REDIC1: variants seen among roughly 807,000 people sequenced by gnomAD.
REDIC1 encodes the protein HEI10 Interacting Protein 1.
chr12:39,754,998 A>AAAAT, the REDIC1 span: 11 of 152,174 alleles, frequency 7.2e-5, no homozygotes, highest in African/African-American at 2.7e-4. Context: ...ATAACTAGAA[A>AAAAT]AAATAAATAA....
the REDIC1 span, chr12:39,764,428 A>G: frequency 6.6e-7 from 1 of 1,511,196 alleles, no homozygotes. Context: ...AAAAATAAAA[A>G]CAAAACTATG....
chr12:39,882,718 A>G, the REDIC1 span, among the ~76,000 whole-genome samples: 1 of 152,134 alleles, frequency 6.6e-6, no homozygotes, highest in East Asian at 1.9e-4. Context: ...ACCAGTCTAC[A>G]TTGATTCACA....
chr12:39,671,784 A>G, the REDIC1 span, among the ~76,000 whole-genome samples: 82 of 152,134 alleles, frequency 5.4e-4, no homozygotes, highest in Admixed American at 1.3e-3. Flanking sequence ...CTGGGAAGGA[A>G]TGTGCAGATG....
chr12:39,716,829 T>C, the REDIC1 span: 1 of 1,593,904 alleles, frequency 6.3e-7, no homozygotes, highest in Non-Finnish European at 8.5e-7. Flanking sequence ...TCAGTTCTAG[T>C]TCAGATTTGG....
At chr12:39,712,113 CCT>C in the REDIC1 span, among the ~76,000 whole-genome samples, 1 of 134,530 alleles carries the variant, frequency 7.4e-6, no homozygotes, top group Non-Finnish European at 1.6e-5. Flanking sequence ...TGTATATATA[CCT>C]GTATATATAC....
At chr12:39,896,250 A>ATG in the REDIC1 span, among the ~76,000 whole-genome samples, 1 of 99,822 alleles carries the variant, frequency 1.0e-5, no homozygotes, top group South Asian at 2.9e-4. Flanking sequence ...ATATGTATAC[A>ATG]TGTATGTATA....
At chr12:39,745,460 T>G in the REDIC1 span, among the ~76,000 whole-genome samples, 1 of 152,240 alleles carries the variant, frequency 6.6e-6, no homozygotes, top group Non-Finnish European at 1.5e-5. Context: ...GACTCAATTA[T>G]TTTGTATTTC....
chr12:39,847,794 A>T, the REDIC1 span, among the ~76,000 whole-genome samples: 1 of 152,110 alleles, frequency 6.6e-6, no homozygotes, highest in African/African-American at 2.4e-5. Context: ...TGGTACAAGT[A>T]TTTTTTTCAA....
At chr12:39,768,138 A>C in the REDIC1 span, among the ~76,000 whole-genome samples, 1 of 152,080 alleles carries the variant, frequency 6.6e-6, no homozygotes. Flanking sequence ...TCTTTCCTTA[A>C]ACCTCATGAA....
At chr12:39,809,899 G>C in the REDIC1 span, among the ~76,000 whole-genome samples, 1 of 152,128 alleles carries the variant, frequency 6.6e-6, no homozygotes, top group Non-Finnish European at 1.5e-5. Flanking sequence ...TCTTAATCCA[G>C]TCTATTATTG....
the REDIC1 span, among the ~76,000 whole-genome samples, chr12:39,706,777 T>C: frequency 6.6e-6 from 1 of 151,996 alleles, no homozygotes; most frequent in African/African-American, 2.4e-5. Context: ...CTTCAATGAA[T>C]GCTGCAGCGA....
the REDIC1 span, among the ~76,000 whole-genome samples, chr12:39,763,533 A>G: frequency 6.6e-6 from 1 of 152,086 alleles, no homozygotes; most frequent in Non-Finnish European, 1.5e-5. Context: ...CTGGCCCTCC[A>G]GGGATTTATA....
At chr12:39,894,488 A>G in the REDIC1 span, among the ~76,000 whole-genome samples, 1 of 151,582 alleles carries the variant, frequency 6.6e-6, no homozygotes, top group South Asian at 2.1e-4. Context: ...AAACAGGGAT[A>G]AAATTAGCCT....
chr12:39,634,476 C>T, the REDIC1 span, among the ~76,000 whole-genome samples: 2 of 152,078 alleles, frequency 1.3e-5, no homozygotes, highest in African/African-American at 4.8e-5. Flanking sequence ...TCAGAAATAA[C>T]ACCACACACA....
the REDIC1 span, among the ~76,000 whole-genome samples, chr12:39,640,152 A>T: frequency 6.6e-6 from 1 of 151,054 alleles, no homozygotes; most frequent in Non-Finnish European, 1.5e-5. Flanking sequence ...AGGTGATGAT[A>T]TTAGGAGGGG....
chr12:39,896,380 GTATGTATA>G, the REDIC1 span, among the ~76,000 whole-genome samples: 3 of 134,436 alleles, frequency 2.2e-5, no homozygotes, highest in Non-Finnish European at 4.6e-5. Flanking sequence ...ATACATATAT[GTATGTATA>G]TGTGTATATA....
chr12:39,735,186 G>A, the REDIC1 span, among the ~76,000 whole-genome samples: 1 of 152,166 alleles, frequency 6.6e-6, no homozygotes, highest in Non-Finnish European at 1.5e-5. Flanking sequence ...CTAGGTGGTG[G>A]TCTGAAGCTG....
At chr12:39,907,776 A>C in the REDIC1 span, 1 of 152,160 alleles carries the variant, frequency 6.6e-6, no homozygotes, top group African/African-American at 2.4e-5. Context: ...GTCTTGGATT[A>C]AATTATCTTA....
At chr12:39,726,209 T>G in the REDIC1 span, among the ~76,000 whole-genome samples, 1 of 151,962 alleles carries the variant, frequency 6.6e-6, no homozygotes, top group South Asian at 2.1e-4. Context: ...AGGTGCAGAA[T>G]ATGCAGGTTT....
Sources: gnomAD v4.1 joint callset for allele counts (sites outside exome capture counted in the v4.1 genomes callset) on GRCh38, gnomAD v4.1.1 for gene constraint, MANE v1.5 for transcripts, NCBI Gene and HGNC (gene_info 2026-07-23, HGNC 2026-07-21) for gene names.